Variants in DNAH11 observed in about 807,000 individuals in gnomAD.
DNAH11 encodes the protein axonemal beta dynein heavy chain 11.
A neutral mutation model predicts 526.0 loss-of-function variants in DNAH11; 442 were observed. The observed-to-expected ratio is 0.84, with a 90% CI of 0.78 to 0.91. The LOEUF is 0.91. Among genes scored for constraint, DNAH11 ranks in the 40% least tolerant of loss-of-function variants. The probability of loss-of-function intolerance (pLI) is 0.00; values close to 1 mark genes in which losing one functional copy is unlikely to be tolerated. For missense variants in DNAH11, 6,989 were observed against 5,448.7 expected, an observed-to-expected ratio of 1.28 and a Z score of -8.90; for synonymous variants, 2,461 against 1,935.9, an observed-to-expected ratio of 1.27 and a Z score of -7.12.
At chr7:21,784,234 T>G (rs1217496249) in intron 57 of DNAH11, among the ~76,000 whole-genome samples, 193 bp from the exon 58 acceptor site, 1 of 152,224 alleles carries the variant, frequency 6.6e-6, no homozygotes, top group African/African-American at 2.4e-5. Flanking sequence ...TTACTGTGTG[T>G]TTTTTACATG....
At chr7:21,608,271 G>A (rs1338641388) in intron 20 of DNAH11, among the ~76,000 whole-genome samples, 1 of 152,104 alleles carries the variant, frequency 6.6e-6, no homozygotes, top group Non-Finnish European at 1.5e-5. Context: ...GTAATTCACA[G>A]AACACTTGAA....
intron 22 of DNAH11, among the ~76,000 whole-genome samples, chr7:21,617,300 T>G (rs1207651730): frequency 1.1e-4 from 16 of 152,234 alleles, no homozygotes; most frequent in Admixed American, 1.0e-3. Context: ...TCCATTTACT[T>G]ATGTTTATAG....
intron 9 of DNAH11, among the ~76,000 whole-genome samples, chr7:21,582,344 T>A (rs995178629): frequency 6.6e-6 from 1 of 152,206 alleles, no homozygotes; most frequent in African/African-American, 2.4e-5. Flanking sequence ...GAAAAATACC[T>A]TAATTCAGGA....
At chr7:21,647,763 GA>G (rs1006856926) in intron 28 of DNAH11, among the ~76,000 whole-genome samples, 2 of 150,766 alleles carry the variant, frequency 1.3e-5, no homozygotes, top group Non-Finnish European at 3.0e-5. Context: ...TGTACTGAAA[GA>G]AAAAAAACAC....
chr7:21,637,789 A>G, intron 27 of DNAH11, 87 bp downstream of exon 27: 2 of 746,032 alleles, frequency 2.7e-6, no homozygotes, highest in Non-Finnish European at 4.0e-6. Context: ...ATACTGTGTT[A>G]TGGAGGTGCA....
intron 4 of DNAH11, 128 bp downstream of exon 4, chr7:21,559,920 C>A (rs1003135993): frequency 1.2e-4 from 98 of 810,620 alleles, no homozygotes; most frequent in Non-Finnish European, 1.7e-4. Flanking sequence ...TTTCTTAATC[C>A]AGAGTTCTGT....
intron 61 of DNAH11, among the ~76,000 whole-genome samples, chr7:21,796,812 A>G (rs1788733596): frequency 6.6e-6 from 1 of 152,204 alleles, no homozygotes. Context: ...GACTTAACGA[A>G]CTGATCAAAT....
intron 57 of DNAH11, among the ~76,000 whole-genome samples, chr7:21,780,142 A>G (rs78970927): frequency 7.1e-6 from 1 of 141,588 alleles, no homozygotes; most frequent in Non-Finnish European, 1.6e-5. Flanking sequence ...TTATGGCATT[A>G]AAATTGAAGA....
At chr7:21,825,693 A>G (rs1270314307) in intron 65 of DNAH11, among the ~76,000 whole-genome samples, 1 of 152,048 alleles carries the variant, frequency 6.6e-6, no homozygotes, top group Non-Finnish European at 1.5e-5. Context: ...TGTGTTACAA[A>G]TGCTTAAAAA....
At chr7:21,847,260 G>A (rs1416075339) in intron 66 of DNAH11, among the ~76,000 whole-genome samples, 1 of 152,040 alleles carries the variant, frequency 6.6e-6, no homozygotes, top group Admixed American at 6.5e-5. Flanking sequence ...AATTTTCTAA[G>A]GTAAAAGCTT....
intron 54 of DNAH11, among the ~76,000 whole-genome samples, chr7:21,764,323 C>G (rs981882390): frequency 1.3e-5 from 2 of 152,094 alleles, no homozygotes; most frequent in African/African-American, 4.8e-5. Context: ...TTTTTTATGA[C>G]ATGGATTTTT....
intron 72 of DNAH11, among the ~76,000 whole-genome samples, 167 bp downstream of exon 72, chr7:21,868,174 T>A (rs1457136428): frequency 6.6e-6 from 1 of 151,600 alleles, no homozygotes; most frequent in Non-Finnish European, 1.5e-5. Context: ...CCCCATAGTC[T>A]GAAGAAATGT....
chr7:21,826,819 GTT>G (rs1201492622), intron 65 of DNAH11, among the ~76,000 whole-genome samples: 2 of 152,156 alleles, frequency 1.3e-5, no homozygotes, highest in Non-Finnish European at 2.9e-5. Flanking sequence ...CCCTCAGAAA[GTT>G]TTTGGCTATC....
intron 30 of DNAH11, among the ~76,000 whole-genome samples, chr7:21,659,291 C>G (rs1332638752): frequency 6.7e-6 from 1 of 148,924 alleles, no homozygotes; most frequent in Non-Finnish European, 1.5e-5. Context: ...ACTGTACATG[C>G]TTATTTTCTT....
At chr7:21,637,003 G>A (rs1269265330) in intron 26 of DNAH11, among the ~76,000 whole-genome samples, 2 of 152,134 alleles carry the variant, frequency 1.3e-5, no homozygotes, top group Non-Finnish European at 2.9e-5. Context: ...GCAAAGGAGA[G>A]TGACTATTTC....
rs549245715 is a variant in DNAH11, at chr7:21,597,700, A to T, written c.2668-2087A>T. On this transcript the variant is annotated intron_variant, in intron 14 of 81. Transcript: ENST00000409508. ...TGCCCCCATGATTCAGTCACCTTCC[A>T]CCAGGCCACTCTCCCAACACATGGA... is the stretch of plus-strand genomic sequence containing the variant. 6.6e-5 allele frequency among the ~76,000 whole-genome samples: 10 copies of T among 152,270 alleles called. No homozygotes were observed. In the East Asian group the frequency reaches 1.9e-3, roughly 29 times the overall value.
intron 65 of DNAH11, among the ~76,000 whole-genome samples, chr7:21,823,195 A>C (rs6946591): frequency 0.3 from 45,294 of 151,812 alleles, 8,562 homozygotes; most frequent in Non-Finnish European, 0.43. Context: ...AAAATCTTTT[A>C]ACAAGCTTTT....
chr7:21,868,142 A>G (rs1280223473), intron 72 of DNAH11, 135 bp downstream of exon 72: 3 of 811,632 alleles, frequency 3.7e-6, no homozygotes, highest in African/African-American at 1.9e-5. Flanking sequence ...GATTGGGTGT[A>G]TGGAAAATGT....
At chr7:21,554,335 A>C (rs558615861) in intron 2 of DNAH11, among the ~76,000 whole-genome samples, 5 of 151,816 alleles carry the variant, frequency 3.3e-5, no homozygotes, top group Non-Finnish European at 5.9e-5. Context: ...CACCATGCCC[A>C]GCTAATTTTT....
Sources: allele counts gnomAD v4.1 joint callset (sites outside exome capture counted in the v4.1 genomes callset), GRCh38; gene constraint gnomAD v4.1.1; transcripts MANE v1.5; gene names NCBI Gene and HGNC (gene_info 2026-07-23, HGNC 2026-07-21).